ZBTB10: variants seen among roughly 807,000 people sequenced by gnomAD.
ZBTB10 encodes zinc finger and BTB domain-containing protein 10.
In ZBTB10, 32 loss-of-function variants were observed where a neutral mutation model predicts 76.4. That is an observed-to-expected ratio of 0.42 (90% confidence interval 0.32 to 0.56). The LOEUF is 0.56. ZBTB10 is among the 20% of genes least tolerant of loss of function. The pLI, the probability that ZBTB10 is intolerant of heterozygous loss-of-function variation, is 0.14. For synonymous variants in ZBTB10, 523 were observed against 432.9 expected (o/e 1.21, Z -2.58); for missense variants, 1,057 against 1,098.5 (o/e 0.96, Z 0.53).
intron 2 of ZBTB10, among the ~76,000 whole-genome samples, chr8:80,504,662 T>G (rs1230004306): frequency 6.6e-6 from 1 of 152,220 alleles, no homozygotes; most frequent in Non-Finnish European, 1.5e-5. Context: ...ATGCACATAC[T>G]GGGATTATGG....
intron 1 of ZBTB10, among the ~76,000 whole-genome samples, chr8:80,491,059 A>G (rs978688716): frequency 2.0e-5 from 3 of 152,286 alleles, no homozygotes; most frequent in African/African-American, 7.2e-5. Context: ...GCCTAAGTGT[A>G]CGGTGCTCAT....
In ZBTB10 at chr8:80,486,788, C is replaced by A; in HGVS notation, c.-23C>A. 1 of 1,325,714 alleles carries A rather than the reference C, an allele frequency of 7.5e-7. No homozygotes were observed. Among genetic ancestry groups the A allele is most frequent in the Non-Finnish European group, 9.7e-7 (1 of 1,035,750 alleles). 82.1% of individuals were successfully genotyped at this position (1,325,714 alleles called of 1,614,324 possible). On this transcript the variant is annotated 5_prime_UTR_variant, in exon 1 of 6. Coordinates refer to ENST00000455036, the MANE Select transcript of ZBTB10 (RefSeq NM_001105539.3). ...GCCGTGCGCGAGCCGGGGCACCGGGCGGCGGCGGCGGCGGCGCGCGCCATG... is the reference window on the plus strand; with the variant it reads ...GCCGTGCGCGAGCCGGGGCACCGGGAGGCGGCGGCGGCGGCGCGCGCCATG...
intron 1 of ZBTB10, among the ~76,000 whole-genome samples, chr8:80,499,242 T>C (rs898734960): frequency 1.3e-5 from 2 of 152,200 alleles, no homozygotes; most frequent in African/African-American, 2.4e-5. Flanking sequence ...AGCTTATATT[T>C]GAAACATATA....
chr8:80,524,654 AG>A lies in ZBTB10; in HGVS notation c.*5130del, dbSNP rs1266823885. On this transcript the variant is annotated 3_prime_UTR_variant, in exon 6 of 6. Transcript: ENST00000455036. ...TTTTGTTTGGAGAAGGGCACAATAA[AG>A]GGGAGCCCACATAGCATTATAATGC... is the stretch of plus-strand genomic sequence containing the variant. 1.3e-5 allele frequency: 2 copies of A among 152,100 alleles called. No individual in the cohort carries two copies. Among genetic ancestry groups the A allele is most frequent in the Non-Finnish European group, 2.9e-5 (2 of 67,962 alleles). The allele number at this position is 152,100 out of a possible 1,614,324, so 9.4% of individuals were successfully genotyped here. A position where few individuals can be genotyped will look rare whatever the true frequency, so the allele number is the denominator to read the frequency against.
chr8:80,485,747 G>C, upstream of ZBTB10: 1 of 1,522,404 alleles, frequency 6.6e-7, no homozygotes, highest in Non-Finnish European at 8.8e-7. Flanking sequence ...AACAAAATAA[G>C]TTCACTTCCT....
chr8:80,489,091 T>C (rs1433520687), intron 1 of ZBTB10, among the ~76,000 whole-genome samples: 4 of 151,038 alleles, frequency 2.6e-5, no homozygotes. Flanking sequence ...AAAGGTTAAG[T>C]AAATAGTCCT....
At chr8:80,512,532 G>A (rs1472225891) in intron 2 of ZBTB10, among the ~76,000 whole-genome samples, 1 of 152,134 alleles carries the variant, frequency 6.6e-6, no homozygotes, top group African/African-American at 2.4e-5. Context: ...GCAACATAGT[G>A]AGACCCTGTC....
At position 80,523,561 on chromosome 8, in the gene ZBTB10, A is replaced by C. The variant is rs143114019; in HGVS notation, c.*4033A>C. 6.6e-6 allele frequency: 1 copy of C among 151,864 alleles called. No homozygotes were observed. Among genetic ancestry groups the C allele is most frequent in the Non-Finnish European group, 1.5e-5 (1 of 67,890 alleles). The allele number at this position is 151,864 out of a possible 1,614,324, so 9.4% of individuals were successfully genotyped here. On this transcript the variant is annotated 3_prime_UTR_variant, in exon 6 of 6. Coordinates refer to ENST00000455036, the MANE Select transcript of ZBTB10 (RefSeq NM_001105539.3). ...ATCCTTAAACTTAACTATGGTACAT[A>C]ATATCCACACTTAGAACTAACAGGT...
At chr8:80,518,334 T>C in intron 3 of ZBTB10, 69 bp from the exon 4 acceptor site, 1 of 1,388,778 alleles carries the variant, frequency 7.2e-7, no homozygotes, top group South Asian at 1.5e-5. Context: ...ATATAATTTC[T>C]GTTTTCTGAC....
At chr8:80,510,643 T>TGG (rs774237067) in intron 2 of ZBTB10, among the ~76,000 whole-genome samples, 1,886 of 78,192 alleles carry the variant, frequency 0.024, 48 homozygotes, top group African/African-American at 0.073. Context: ...GAAACCAGTG[T>TGG]GTGTGTGTGT....
At chr8:80,518,263 TAA>T in intron 3 of ZBTB10, 138 bp from the exon 4 acceptor site, 1 of 815,996 alleles carries the variant, frequency 1.2e-6, no homozygotes, top group South Asian at 2.4e-5. Context: ...AATTTTAGAC[TAA>T]AATACAGTTT....
rs953536142 is a variant in ZBTB10 at position 80,523,853 on chromosome 8, A to C, written c.*4325A>C. ...ATTGGCATTTTGAACACTGTAAACA[A>C]AAGAACACTTCCGCCTGCTGTTTGT... On this transcript the variant is annotated 3_prime_UTR_variant, in exon 6 of 6. Transcript: ENST00000455036. The C allele has an allele frequency of 1.3e-5, 2 of 151,992 alleles. No individual in the cohort carries two copies. Among genetic ancestry groups the C allele is most frequent in the African/African-American group, 4.8e-5 (2 of 41,432 alleles). The allele number at this position is 151,992 out of a possible 1,614,324, so 9.4% of individuals were successfully genotyped here.
At chr8:80,513,523 A>C (rs936139239) in intron 2 of ZBTB10, among the ~76,000 whole-genome samples, 1 of 152,228 alleles carries the variant, frequency 6.6e-6, no homozygotes, top group Non-Finnish European at 1.5e-5. Context: ...AGTACTTACT[A>C]GTTAGTACTA....
Position 80,508,868 on chromosome 8 carries a change from G to GT in ZBTB10, c.1862-5035dup, listed in dbSNP as rs537710708. Among the ~76,000 whole-genome samples the GT allele has an allele frequency of 7.9e-5, 12 of 152,202 alleles. No individual in the cohort carries two copies. The South Asian group carries it at 2.5e-3, about 32-fold the overall frequency. ...TTTACAGACTCTGAAGTAGTGAGTG[G>GT]TTTTTTTAACTAGAGATTTGATCTG... On this transcript the variant is annotated intron_variant, in intron 2 of 5. Coordinates refer to ENST00000455036, the MANE Select transcript of ZBTB10 (RefSeq NM_001105539.3).
At chr8:80,488,794 C>T (rs1815550171) in intron 1 of ZBTB10, among the ~76,000 whole-genome samples, 1 of 152,122 alleles carries the variant, frequency 6.6e-6, no homozygotes, top group African/African-American at 2.4e-5. Flanking sequence ...TTCATTCTTT[C>T]GTATTGGTTA....
intron 3 of ZBTB10, among the ~76,000 whole-genome samples, chr8:80,517,871 C>CTTTTTTTTT (rs773074047): frequency 9.1e-5 from 7 of 76,852 alleles, no homozygotes; most frequent in African/African-American, 1.8e-4. Flanking sequence ...CGCCCGCCAC[C>CTTTTTTTTT]TTTTTTTTTT....
At chr8:80,506,335 G>A (rs1816052133) in intron 2 of ZBTB10, among the ~76,000 whole-genome samples, 3 of 150,464 alleles carry the variant, frequency 2.0e-5, no homozygotes, top group Admixed American at 2.0e-4. Flanking sequence ...CTTTTTTTGA[G>A]ATAGAGTTTC....
chr8:80,499,350 C>G, intron 1 of ZBTB10, 144 bp from the exon 2 acceptor site: 4 of 843,420 alleles, frequency 4.7e-6, no homozygotes, highest in Non-Finnish European at 6.8e-6. Flanking sequence ...GTTGCACCAC[C>G]ACTGTTCACT....
In ZBTB10 at chr8:80,500,242, CAAG is replaced by C. The variant is rs774090006; in HGVS notation, c.1722_1724del (p.Arg576del). The stretch of plus-strand genomic sequence containing the variant: ...CAGGGAATTCAAGAGACTGGCAAAA[CAAG>C]GAGGAAAAACCAAACTACAAAAAGA... On this transcript the variant is annotated inframe_deletion, in exon 2 of 6. Transcript: ENST00000455036. 5.6e-5 allele frequency: 89 copies of C among 1,591,362 alleles called. No homozygotes were observed. The highest frequency in any genetic ancestry group is 2.3e-4 in the South Asian group (20 of 88,378).
Sources: gnomAD v4.1 joint callset for allele counts (sites outside exome capture counted in the v4.1 genomes callset) on GRCh38, gnomAD v4.1.1 for gene constraint, MANE v1.5 for transcripts, NCBI Gene and HGNC (gene_info 2026-07-23, HGNC 2026-07-21) for gene names.